The following XPO5 variants were observed in gnomAD, a reference collection of about 807,000 sequenced individuals.
XPO5 encodes exportin 5, also known as exportin-5.
Under a neutral mutation model 160.6 loss-of-function variants are expected in XPO5, and 46 were observed. That is an observed-to-expected ratio of 0.29 (90% CI 0.23 to 0.37). The LOEUF (loss-of-function observed/expected upper bound fraction) is 0.37, where lower values mean the gene tolerates loss of function less well. Ranked by LOEUF, XPO5 falls within the 10% of genes least tolerant of loss-of-function variation. The pLI is 1.00. For synonymous variants in XPO5, 537 were observed against 519.3 expected (o/e 1.03, Z -0.46); for missense variants, 1,090 against 1,463.9 (o/e 0.74, Z 4.17).
chr6:43,570,841 T>C lies in XPO5; in HGVS notation c.438+16A>G, dbSNP rs2275118. 10,121 of 1,599,660 alleles carry C rather than the reference T, an allele frequency of 6.3e-3. 672 individuals are homozygous for C. The East Asian group carries it at 0.17, about 26-fold the overall frequency. On this transcript the variant is annotated intron_variant, in intron 4 of 31. Coordinates refer to ENST00000265351, the MANE Select transcript of XPO5 (RefSeq NM_020750.3). The stretch of plus-strand genomic sequence containing the variant: ...CAAGGAAAAGTATACCAAACTGATA[T>C]AGCTGTGTTTCATACCCCTTGTTTG...
intron 12 of XPO5, 191 bp from the exon 13 acceptor site, chr6:43,556,155 T>A (rs1196690886): frequency 1.6e-5 from 11 of 680,352 alleles, no homozygotes; most frequent in Non-Finnish European, 2.5e-5. Flanking sequence ...AAATAAATGA[T>A]CTCTGGAAAC....
intron 7 of XPO5, among the ~76,000 whole-genome samples, chr6:43,565,944 C>T (rs1762674003): frequency 1.3e-5 from 2 of 152,296 alleles, no homozygotes; most frequent in South Asian, 4.1e-4. Context: ...AGTGAAAAAG[C>T]ATAAACTTAC....
chr6:43,538,949 G>A lies in XPO5; in HGVS notation c.2343-4942C>T, dbSNP rs562100872. ...TACAGTCTCCTTCCAGAGGTCGGGG[G>A]TCAGGTAGCTGTAGGTCTTAGAAAT... On this transcript the variant is annotated intron_variant, in intron 20 of 31. Transcript: ENST00000265351. 5.1e-5 allele frequency: 69 copies of A among 1,344,432 alleles called. No homozygotes were observed. The East Asian group carries it at 1.4e-3, about 28-fold the overall frequency. The allele number at this position is 1,344,432 out of a possible 1,614,324, so 83.3% of individuals were successfully genotyped here.
At chr6:43,562,152 A>T (rs1338357044) in intron 9 of XPO5, 95 bp downstream of exon 9, 2 of 937,352 alleles carry the variant, frequency 2.1e-6, no homozygotes. Context: ...TCAGGCTAAA[A>T]TCAATGACAT....
At chr6:43,572,455 G>T in intron 3 of XPO5, 51 bp downstream of exon 3, 1 of 1,576,568 alleles carries the variant, frequency 6.3e-7, no homozygotes. Flanking sequence ...AAGAAGTCAC[G>T]CTTTGCCTAA....
At chr6:43,525,377 A>G (rs1029202639) in intron 28 of XPO5, 163 bp from the exon 29 acceptor site, 1 of 659,354 alleles carries the variant, frequency 1.5e-6, no homozygotes, top group Non-Finnish European at 2.5e-6. Context: ...GGCTCAAGCT[A>G]TTCTCCCATC....
chr6:43,567,946 A>G (rs1308549761), intron 6 of XPO5, among the ~76,000 whole-genome samples: 1 of 149,446 alleles, frequency 6.7e-6, no homozygotes, highest in Non-Finnish European at 1.5e-5. Context: ...AAAAAAAAAA[A>G]AAAAAAGTAA....
At chr6:43,547,459 G>T in intron 19 of XPO5, 149 bp downstream of exon 19, 1 of 736,334 alleles carries the variant, frequency 1.4e-6, no homozygotes, top group Non-Finnish European at 2.4e-6. Flanking sequence ...CAAGACTAAA[G>T]AAGAAAAGAA....
At chr6:43,555,172 C>A (rs774169590) in intron 13 of XPO5, 1 of 152,174 alleles carries the variant, frequency 6.6e-6, no homozygotes, top group Non-Finnish European at 1.5e-5. Flanking sequence ...AAACTCTCGA[C>A]CTCAGGTGAT....
rs1305533463 is a variant in XPO5 at position 43,540,256 on chromosome 6, G to A, written c.2343-6249C>T. 2.6e-5 allele frequency among the ~76,000 whole-genome samples: 4 copies of A among 152,272 alleles called. No homozygotes were observed. In the East Asian group the frequency reaches 7.7e-4, roughly 29 times the overall value. ...GATACAAAATTAGCCAGGCCGGGCG[G>A]ATCACGAGGTCAGGAGATCAAGATC... On this transcript the variant is annotated intron_variant, in intron 20 of 31. Coordinates refer to ENST00000265351, the MANE Select transcript of XPO5 (RefSeq NM_020750.3).
At chr6:43,570,825 G>C (rs745473340) in intron 4 of XPO5, 32 bp downstream of exon 4, 1 of 1,569,198 alleles carries the variant, frequency 6.4e-7, no homozygotes, top group African/African-American at 1.4e-5. Flanking sequence ...CCAAGGAAAA[G>C]TATACCAAAC....
chr6:43,533,931 C>A lies in XPO5; in HGVS notation c.2419G>T (p.Asp807Tyr). The A allele has an allele frequency of 6.2e-7, 1 of 1,605,950 alleles. No homozygotes were observed. Among genetic ancestry groups the A allele is most frequent in the South Asian group, 1.1e-5 (1 of 90,496 alleles). Residue 807 changes from aspartate (D) to tyrosine (Y), a missense_variant, in exon 21 of 32, where the codon GAC becomes TAC. This residue lies in a region of XPO5 where 810 missense variants were observed against 1,139.0 expected (regional missense o/e 0.71). Transcript: ENST00000265351. ...EPFTKALDML[D>Y]AEKSAILGLP... Reference sequence around the variant, plus strand: ...CCTAATATAGCAGATTTTTCCGCGTCAAGCATATCCAGAGCCTTGGTGAAA... The same window carrying A: ...CCTAATATAGCAGATTTTTCCGCGTAAAGCATATCCAGAGCCTTGGTGAAA...
At chr6:43,542,827 A>C (rs1490023238) in intron 20 of XPO5, among the ~76,000 whole-genome samples, 1 of 152,212 alleles carries the variant, frequency 6.6e-6, no homozygotes, top group Non-Finnish European at 1.5e-5. Flanking sequence ...AAAAACAGAA[A>C]ATACACATTT....
chr6:43,565,993 A>T (rs1215931671), intron 7 of XPO5, among the ~76,000 whole-genome samples: 1 of 152,206 alleles, frequency 6.6e-6, no homozygotes, highest in Non-Finnish European at 1.5e-5. Flanking sequence ...GCGGTGGCTC[A>T]TGCCTGTAAT....
At chr6:43,553,665 A>G in intron 13 of XPO5, 162 bp from the exon 14 acceptor site, 1 of 1,384,636 alleles carries the variant, frequency 7.2e-7, no homozygotes, top group South Asian at 1.7e-5. Context: ...GCTGGGGCAA[A>G]GAAAAGATGA....
At chr6:43,540,132 G>A (rs1180538345) in intron 20 of XPO5, among the ~76,000 whole-genome samples, 1 of 152,084 alleles carries the variant, frequency 6.6e-6, no homozygotes, top group Non-Finnish European at 1.5e-5. Context: ...GCGCACGCCT[G>A]TAACCCCAGT....
At chr6:43,546,871 A>G in intron 19 of XPO5, 119 bp from the exon 20 acceptor site, 2 of 998,462 alleles carry the variant, frequency 2.0e-6, no homozygotes, top group Non-Finnish European at 1.4e-6. Context: ...AGAATGAAAT[A>G]ATCCTCTGCT....
chr6:43,557,194 A>G (rs1199556936), intron 12 of XPO5, among the ~76,000 whole-genome samples: 1 of 150,366 alleles, frequency 6.7e-6, no homozygotes, highest in Non-Finnish European at 1.5e-5. Flanking sequence ...TGGGAAGCCG[A>G]GGCGGGTGGA....
intron 6 of XPO5, 131 bp from the exon 7 acceptor site, chr6:43,567,485 C>CA (rs2127752328): frequency 1.3e-6 from 1 of 757,758 alleles, no homozygotes; most frequent in East Asian, 2.8e-5. Flanking sequence ...GTAACAGTCA[C>CA]AGGTAGGGAA....
Sources: gnomAD v4.1 joint callset for allele counts (sites outside exome capture counted in the v4.1 genomes callset) on GRCh38, gnomAD v4.1.1 for gene constraint, gnomAD v4.1.1 regional missense constraint, MANE v1.5 for transcripts, NCBI Gene and HGNC (gene_info 2026-07-23, HGNC 2026-07-21) for gene names.